Variants in EIF4H observed in about 807,000 individuals in gnomAD.
EIF4H encodes the protein eukaryotic translation initiation factor 4H, also known as Williams-Beuren syndrome chromosome region 1.
In EIF4H, 8 loss-of-function variants were observed where a neutral mutation model predicts 30.6. The ratio of observed to expected loss-of-function variants is 0.26; its 90% CI spans 0.15 to 0.47. The LOEUF (loss-of-function observed/expected upper bound fraction) is 0.47, where lower values mean the gene tolerates loss of function less well. Among genes scored for constraint, EIF4H ranks in the 20% least tolerant of loss-of-function variants. The pLI, the probability that EIF4H is intolerant of heterozygous loss-of-function variation, is 0.99. For missense variants in EIF4H, 188 were observed against 339.5 expected (o/e 0.55, Z 3.51); for synonymous variants, 106 against 122.7 (o/e 0.86, Z 0.90).
intron 1 of EIF4H, among the ~76,000 whole-genome samples, chr7:74,182,167 A>G (rs917317884): frequency 6.6e-6 from 1 of 152,230 alleles, no homozygotes; most frequent in Non-Finnish European, 1.5e-5. Context: ...TATGCAAAAC[A>G]TTACAGAAAA....
intron 1 of EIF4H, among the ~76,000 whole-genome samples, chr7:74,176,736 T>A (rs1584171190): frequency 6.6e-6 from 1 of 152,168 alleles, no homozygotes; most frequent in South Asian, 2.1e-4. Flanking sequence ...ACTGCTTTTT[T>A]CCCCCGAGCC....
intron 1 of EIF4H, among the ~76,000 whole-genome samples, chr7:74,186,714 G>A (rs782337600): frequency 2.0e-5 from 3 of 147,740 alleles, no homozygotes; most frequent in African/African-American, 5.0e-5. Flanking sequence ...TGTTAGGTAC[G>A]TCAGTACTTG....
At chr7:74,186,698 C>T (rs1801086614) in intron 1 of EIF4H, among the ~76,000 whole-genome samples, 1 of 148,820 alleles carries the variant, frequency 6.7e-6, no homozygotes, top group Non-Finnish European at 1.5e-5. Context: ...AAGTATTGCA[C>T]GAGAGTGTTA....
chr7:74,195,096 A>G, intron 6 of EIF4H, 73 bp from the exon 7 acceptor site: 2 of 1,576,386 alleles, frequency 1.3e-6, no homozygotes, highest in South Asian at 1.1e-5. Flanking sequence ...GCTGACAGCA[A>G]CATCAGCATG....
At chr7:74,174,808 G>A (rs575694318) in intron 1 of EIF4H, among the ~76,000 whole-genome samples, 1 of 152,350 alleles carries the variant, frequency 6.6e-6, no homozygotes, top group East Asian at 1.9e-4. Flanking sequence ...GCTGGGGTAC[G>A]GGCCACACGG....
At chr7:74,182,943 G>A (rs1554708665) in intron 1 of EIF4H, among the ~76,000 whole-genome samples, 2 of 152,106 alleles carry the variant, frequency 1.3e-5, no homozygotes, top group Non-Finnish European at 2.9e-5. Context: ...GCTCCACCCT[G>A]GTGAAACTGT....
At position 74,187,749 on chromosome 7, in the gene EIF4H, C is replaced by T. The variant is rs781940231; in HGVS notation, c.198C>T (p.Ser66=). The T allele has an allele frequency of 1.2e-6, 2 of 1,613,534 alleles. No individual in the cohort carries two copies. The highest frequency in any genetic ancestry group is 2.2e-5 in the South Asian group (2 of 91,020). ...GDIDAIFKDL[S]IRSVRLVRDK... ...TAGATGCTATCTTTAAGGATCTCAG[C>T]ATAAGGAGTGTACGGCTAGTCAGAG... The change falls in exon 2 of 7, where the codon AGC becomes AGT. Residue 66 remains serine (S), a synonymous_variant. Transcript: ENST00000265753.
intron 1 of EIF4H, among the ~76,000 whole-genome samples, chr7:74,186,252 C>G (rs1276045886): frequency 6.8e-6 from 1 of 147,888 alleles, no homozygotes; most frequent in South Asian, 2.1e-4. Flanking sequence ...GAGATGGACT[C>G]TCGCTCTGTC....
intron 5 of EIF4H, chr7:74,191,321 C>T: frequency 1.9e-6 from 1 of 525,962 alleles, no homozygotes; most frequent in Non-Finnish European, 3.9e-6. Flanking sequence ...CAACCAGCAG[C>T]TCAGGGAACG....
chr7:74,188,781 A>G (rs543483982), intron 2 of EIF4H, among the ~76,000 whole-genome samples: 6 of 152,044 alleles, frequency 3.9e-5, no homozygotes, highest in South Asian at 2.1e-4. Flanking sequence ...GCTCTAGAAG[A>G]TGAGATTGGG....
intron 5 of EIF4H, 77 bp downstream of exon 5, chr7:74,190,383 C>G: frequency 1.4e-6 from 2 of 1,438,248 alleles, no homozygotes; most frequent in Non-Finnish European, 2.0e-6. Context: ...ACGAGTAGCC[C>G]GCCTGGCCGG....
intron 1 of EIF4H, among the ~76,000 whole-genome samples, chr7:74,179,002 C>T (rs541060259): frequency 6.6e-6 from 1 of 152,322 alleles, no homozygotes; most frequent in Non-Finnish European, 1.5e-5. Context: ...TTGTTCTGCA[C>T]ATTCTTCTCC....
At chr7:74,192,781 G>C (rs1018030074) in intron 5 of EIF4H, among the ~76,000 whole-genome samples, 5 of 145,620 alleles carry the variant, frequency 3.4e-5, no homozygotes, top group African/African-American at 7.7e-5. Flanking sequence ...GGGTTCAAGC[G>C]ATTCTCCTGC....
intron 1 of EIF4H, among the ~76,000 whole-genome samples, chr7:74,184,570 T>C (rs1188139348): frequency 6.6e-6 from 1 of 152,254 alleles, no homozygotes; most frequent in Non-Finnish European, 1.5e-5. Flanking sequence ...ATGTTTAATG[T>C]TGAGTAATGA....
chr7:74,193,509 G>A (rs1373192064), intron 5 of EIF4H, among the ~76,000 whole-genome samples: 1 of 152,146 alleles, frequency 6.6e-6, no homozygotes, highest in Non-Finnish European at 1.5e-5. Context: ...AAAGCTTGGA[G>A]CCTTGGCACC....
At chr7:74,179,631 C>CCAAA (rs1800913635) in intron 1 of EIF4H, among the ~76,000 whole-genome samples, 1 of 128,062 alleles carries the variant, frequency 7.8e-6, no homozygotes, top group African/African-American at 2.9e-5. Context: ...GACTCTGTAT[C>CCAAA]AAAAAAAAAA....
rs114192587 is a variant in EIF4H at position 74,177,421 on chromosome 7, A to G, written c.59+2979A>G. On this transcript the variant is annotated intron_variant, in intron 1 of 6. Transcript: ENST00000265753. ...GGGATATTGAGTGTATTCGTAATGT[A>G]TAACCATCACCACTATCCAGCTCCT... Among the ~76,000 whole-genome samples the G allele has an allele frequency of 2.8e-3, 434 of 152,304 alleles. 1 individual carries two copies. Among genetic ancestry groups the G allele is most frequent in the African/African-American group, 9.6e-3 (401 of 41,556 alleles).
chr7:74,191,110 G>T (rs1554709861), intron 5 of EIF4H: 1 of 523,152 alleles, frequency 1.9e-6, no homozygotes, highest in African/African-American at 2.0e-5. Context: ...GGTGCACGCT[G>T]TCTTGTGAGT....
intron 4 of EIF4H, 140 bp from the exon 5 acceptor site, chr7:74,190,107 C>T: frequency 1.2e-5 from 12 of 1,033,984 alleles, no homozygotes; most frequent in East Asian, 2.8e-5. Context: ...TTTTTGTTTT[C>T]TGTTGGAAGC....
Sources: gnomAD v4.1 joint callset for allele counts (sites outside exome capture counted in the v4.1 genomes callset) on GRCh38, gnomAD v4.1.1 for gene constraint, MANE v1.5 for transcripts, NCBI Gene and HGNC (gene_info 2026-07-23, HGNC 2026-07-21) for gene names.